The following RNF24 variants were observed in gnomAD, a reference collection of about 807,000 sequenced individuals.
RNF24 encodes the protein ring finger protein 24.
In RNF24, 14 loss-of-function variants were observed where a neutral mutation model predicts 20.0. That is an observed-to-expected ratio of 0.70 (90% confidence interval 0.46 to 1.10). The LOEUF (loss-of-function observed/expected upper bound fraction) is 1.10. Ranked by LOEUF, RNF24 falls within the 50% of genes least tolerant of loss-of-function variation. RNF24 has a pLI of 0.00. For missense variants in RNF24, 124 were observed against 177.6 expected (o/e 0.70, Z 1.71); for synonymous variants, 45 against 61.1 (o/e 0.74, Z 1.23).
At chr20:3,997,628 G>A (rs1189793493) in intron 1 of RNF24, among the ~76,000 whole-genome samples, 2 of 151,788 alleles carry the variant, frequency 1.3e-5, no homozygotes, top group African/African-American at 4.8e-5. Context: ...GTTTCCCTAT[G>A]TTTCCCAGGC....
intron 1 of RNF24, among the ~76,000 whole-genome samples, chr20:4,006,840 T>C (rs1320434091): frequency 1.3e-5 from 2 of 152,362 alleles, no homozygotes; most frequent in East Asian, 1.9e-4. Flanking sequence ...GCAAGGCCAC[T>C]GGCCAGCTAT....
At chr20:3,941,551 C>T (rs1201551279) in intron 4 of RNF24, among the ~76,000 whole-genome samples, 1 of 151,464 alleles carries the variant, frequency 6.6e-6, no homozygotes, top group East Asian at 1.9e-4. Context: ...GTTCTAATAA[C>T]CCAAAAGAAG....
chr20:3,996,825 G>A (rs745819450), intron 1 of RNF24, among the ~76,000 whole-genome samples: 2 of 152,190 alleles, frequency 1.3e-5, no homozygotes, highest in Non-Finnish European at 2.9e-5. Context: ...TTACACCCAA[G>A]AGGAGGGCAG....
intron 4 of RNF24, among the ~76,000 whole-genome samples, chr20:3,935,875 G>A (rs2090884693): frequency 6.6e-6 from 1 of 152,200 alleles, no homozygotes; most frequent in Non-Finnish European, 1.5e-5. Context: ...AGGCCTGGCT[G>A]GGACCCAGGT....
At chr20:3,968,669 T>G (rs2091284205) in intron 1 of RNF24, among the ~76,000 whole-genome samples, 3 of 152,184 alleles carry the variant, frequency 2.0e-5, no homozygotes, top group Non-Finnish European at 1.5e-5. Context: ...TGTTATTTAT[T>G]GAGTATCTTT....
chr20:3,967,545 A>C (rs1004675090), intron 1 of RNF24, among the ~76,000 whole-genome samples: 1 of 152,224 alleles, frequency 6.6e-6, no homozygotes, highest in South Asian at 2.1e-4. Flanking sequence ...GGATGCCTAC[A>C]TGACCTGAGT....
chr20:3,986,285 C>A (rs1344132484), intron 1 of RNF24, among the ~76,000 whole-genome samples: 1 of 152,008 alleles, frequency 6.6e-6, no homozygotes, highest in Non-Finnish European at 1.5e-5. Context: ...TCCCTCCTCA[C>A]TCTGTCGCTT....
intron 1 of RNF24, among the ~76,000 whole-genome samples, chr20:3,979,177 T>C (rs557626567): frequency 6.6e-6 from 1 of 151,756 alleles, no homozygotes; most frequent in South Asian, 2.1e-4. Context: ...TGTGTATAAC[T>C]TTGTGTCTTA....
intron 3 of RNF24, 99 bp from the exon 4 acceptor site, chr20:3,945,317 C>A: frequency 9.1e-7 from 1 of 1,102,182 alleles, no homozygotes; most frequent in Admixed American, 3.0e-5. Flanking sequence ...ATATATGGCT[C>A]ATTTCCCTCA....
chr20:4,002,837 A>C (rs879786712), intron 1 of RNF24, among the ~76,000 whole-genome samples: 4 of 152,224 alleles, frequency 2.6e-5, no homozygotes, highest in Non-Finnish European at 4.4e-5. Context: ...CTCCCCTTAG[A>C]ACTGTGTCAC....
intron 4 of RNF24, among the ~76,000 whole-genome samples, chr20:3,944,115 C>G (rs1264318243): frequency 6.7e-6 from 1 of 149,502 alleles, no homozygotes; most frequent in Non-Finnish European, 1.5e-5. Context: ...CAGGCTGAAG[C>G]AGGAGAATCG....
At chr20:3,998,504 G>A (rs1387790573) in intron 1 of RNF24, among the ~76,000 whole-genome samples, 1 of 149,116 alleles carries the variant, frequency 6.7e-6, no homozygotes, top group Non-Finnish European at 1.5e-5. Flanking sequence ...GAACCCGAGA[G>A]GTGGAGGTTG....
chr20:3,956,953 G>C (rs2091149366), intron 2 of RNF24, among the ~76,000 whole-genome samples: 1 of 152,110 alleles, frequency 6.6e-6, no homozygotes, highest in African/African-American at 2.4e-5. Context: ...TCAAGCCCAG[G>C]CTGAGGAACA....
intron 2 of RNF24, among the ~76,000 whole-genome samples, chr20:3,954,884 G>A (rs1030172558): frequency 2.0e-5 from 3 of 150,554 alleles, no homozygotes; most frequent in African/African-American, 7.4e-5. Context: ...GGGTGACAGT[G>A]CGAGACTCCA....
intron 2 of RNF24, among the ~76,000 whole-genome samples, chr20:3,962,531 A>C (rs764861175): frequency 6.6e-6 from 1 of 151,374 alleles, no homozygotes; most frequent in Non-Finnish European, 1.5e-5. Context: ...CAAATAGACA[A>C]ACACAAATGC....
At chr20:3,982,126 T>TCTCTCTCTCTCA (rs1289037516) in intron 1 of RNF24, among the ~76,000 whole-genome samples, 3 of 151,508 alleles carry the variant, frequency 2.0e-5, no homozygotes, top group African/African-American at 4.8e-5. Flanking sequence ...TCTCTCTCTC[T>TCTCTCTCTCTCA]CTCTCTCTCA....
chr20:3,951,520 A>G (rs1236987810), intron 2 of RNF24, among the ~76,000 whole-genome samples: 5 of 152,174 alleles, frequency 3.3e-5, no homozygotes, highest in Non-Finnish European at 5.9e-5. Context: ...GTGTTTGCCT[A>G]AACTCTAATG....
intron 1 of RNF24, among the ~76,000 whole-genome samples, chr20:3,975,289 G>A (rs748548958): frequency 6.6e-6 from 1 of 152,006 alleles, no homozygotes; most frequent in Non-Finnish European, 1.5e-5. Context: ...TTAAAATGCA[G>A]AACAATGATA....
intron 2 of RNF24, among the ~76,000 whole-genome samples, chr20:3,957,346 A>T (rs1323054346): frequency 6.6e-6 from 1 of 151,654 alleles, no homozygotes. Flanking sequence ...CTATAGTCTC[A>T]GCTACTTGAG....
Sources: gnomAD v4.1 joint callset for allele counts (sites outside exome capture counted in the v4.1 genomes callset) on GRCh38, gnomAD v4.1.1 for gene constraint, MANE v1.5 for transcripts, NCBI Gene and HGNC (gene_info 2026-07-23, HGNC 2026-07-21) for gene names.